AP2S1: variants seen among roughly 807,000 people sequenced by gnomAD.
AP2S1 encodes adaptor related protein complex 2 subunit sigma 1.
A neutral mutation model predicts 21.0 loss-of-function variants in AP2S1; 6 were observed. That is an observed-to-expected ratio of 0.29 (90% CI 0.16 to 0.56). The LOEUF (loss-of-function observed/expected upper bound fraction) is 0.56. Ranked by LOEUF, AP2S1 falls within the 20% of genes least tolerant of loss-of-function variation. The probability of loss-of-function intolerance (pLI) is 0.92; values close to 1 mark genes in which losing one functional copy is unlikely to be tolerated. For synonymous variants in AP2S1, 63 were observed against 74.6 expected (o/e 0.84, Z 0.80); for missense variants, 60 against 186.2 (o/e 0.32, Z 3.95).
chr19:46,841,997 A>G (rs1278449125), intron 2 of AP2S1, among the ~76,000 whole-genome samples: 1 of 152,122 alleles, frequency 6.6e-6, no homozygotes, highest in Non-Finnish European at 1.5e-5. Flanking sequence ...TTTAGGCAAC[A>G]TATCAAGACC....
At position 46,838,333 on chromosome 19, in the gene AP2S1, C is replaced by T; in HGVS notation, c.*114G>A. 1.0e-6 allele frequency: 1 copy of T among 1,001,776 alleles called. No individual in the cohort carries two copies. Among genetic ancestry groups the T allele is most frequent in the Non-Finnish European group, 1.5e-6 (1 of 657,954 alleles). 62.1% of individuals were successfully genotyped at this position (1,001,776 alleles called of 1,614,324 possible). A position where few individuals can be genotyped will look rare whatever the true frequency, so the allele number is the denominator to read the frequency against. On this transcript the variant is annotated 3_prime_UTR_variant, in exon 5 of 5. Transcript: ENST00000263270. The surrounding 1 kb of genome is among the most constrained non-coding windows in gnomAD (Gnocchi z 4.1). ...CCTTGTGGCCCAGACCCAGCTGGGT[C>T]CCTTCCTCCTAGGCAGCTGAGGGAA...
chr19:46,839,961 T>C (rs2122761460), intron 2 of AP2S1, among the ~76,000 whole-genome samples: 1 of 152,304 alleles, frequency 6.6e-6, no homozygotes, highest in Admixed American at 6.5e-5. Context: ...ATAGTGTCCA[T>C]GCAACCTTGC....
chr19:46,850,363 T>C (rs1380701627), intron 1 of AP2S1: 2 of 1,243,192 alleles, frequency 1.6e-6, no homozygotes, highest in African/African-American at 1.6e-5. Context: ...GGTCTCGCGT[T>C]CTCGTCCCAG....
chr19:46,848,401 T>A (rs2055674080), intron 1 of AP2S1, among the ~76,000 whole-genome samples: 1 of 151,882 alleles, frequency 6.6e-6, no homozygotes, highest in African/African-American at 2.4e-5. Context: ...AACAAAAACA[T>A]AGAGGTATAG....
At chr19:46,846,207 A>T in intron 1 of AP2S1, 65 bp from the exon 2 acceptor site, 1 of 1,588,488 alleles carries the variant, frequency 6.3e-7, no homozygotes, top group Non-Finnish European at 8.6e-7. Context: ...GGTGCTGCCC[A>T]ACGGCCCCAC....
At position 46,846,153 on chromosome 19, in the gene AP2S1, CAGG is replaced by C. The variant is rs373163721; in HGVS notation, c.4-14_4-12del. ...GAGGATAAAGCGGATCTGGGGGCAGCAGGAGGAGAAGGAGGAAGTGAGAGAGGC... is the reference window on the plus strand; with the variant it reads ...GAGGATAAAGCGGATCTGGGGGCAGCAGGAGAAGGAGGAAGTGAGAGAGGC... On this transcript the variant is annotated splice_polypyrimidine_tract_variant and intron_variant, in intron 1 of 4. Transcript: ENST00000263270. The C allele has an allele frequency of 3.2e-4, 521 of 1,613,738 alleles. 2 individuals carry two copies. In the African/African-American group the frequency reaches 5.6e-3, roughly 17 times the overall value.
intron 2 of AP2S1, among the ~76,000 whole-genome samples, chr19:46,840,654 C>G (rs1447090187): frequency 6.6e-6 from 1 of 151,304 alleles, no homozygotes; most frequent in African/African-American, 2.4e-5. Flanking sequence ...AACAGCAGCT[C>G]TAGGTCTGGG....
intron 1 of AP2S1, among the ~76,000 whole-genome samples, chr19:46,846,809 G>T (rs1170351032): frequency 6.6e-6 from 1 of 152,050 alleles, no homozygotes; most frequent in South Asian, 2.1e-4. Flanking sequence ...GGGACTACAG[G>T]CACCCGCCAC....
chr19:46,843,163 C>T (rs2055558790), intron 2 of AP2S1, among the ~76,000 whole-genome samples: 1 of 152,174 alleles, frequency 6.6e-6, no homozygotes, highest in African/African-American at 2.4e-5. Context: ...CCTGGCTCTG[C>T]TTTCTCTCAC....
chr19:46,838,201 C>T lies in AP2S1; in HGVS notation c.*246G>A, dbSNP rs918440699. ...GACCACAGGTTTATTGGGGACTCCA[C>T]GCACAGACGCTTATGGCATCACACG... On this transcript the variant is annotated 3_prime_UTR_variant, in exon 5 of 5. Transcript: ENST00000263270. This position sits in a 1 kb window ranked among gnomAD's most constrained non-coding sequence, Gnocchi z 4.1. The T allele has an allele frequency of 7.3e-6, 4 of 550,364 alleles. No homozygotes were observed. The highest frequency in any genetic ancestry group is 3.1e-5 in the Admixed American group (1 of 32,216). 34.1% of individuals were successfully genotyped at this position (550,364 alleles called of 1,614,324 possible). A position where few individuals can be genotyped will look rare whatever the true frequency, so the allele number is the denominator to read the frequency against.
rs201686470 is a variant in AP2S1, at chr19:46,845,987, C to T, written c.153+6G>A. 1.9e-4 allele frequency: 311 copies of T among 1,613,940 alleles called. No individual in the cohort carries two copies. The African/African-American group carries it at 3.4e-3, about 18-fold the overall frequency. ...CGGGGTGCAGGAGGCATGGAGCGGG[C>T]GTCACCTCCACAAAGTTGGTGTGTT... is the stretch of plus-strand genomic sequence containing the variant. On this transcript the variant is annotated splice_donor_region_variant and intron_variant, in intron 2 of 4. Coordinates refer to ENST00000263270, the MANE Select transcript of AP2S1 (RefSeq NM_004069.6).
intron 1 of AP2S1, chr19:46,850,452 A>G (rs937355528): frequency 2.6e-6 from 2 of 760,830 alleles, no homozygotes; most frequent in African/African-American, 1.8e-5. Flanking sequence ...GCTACCCACA[A>G]GACTGTGTCT....
At position 46,838,955 on chromosome 19, in the gene AP2S1, GAC is replaced by G. The variant is rs530176343; in HGVS notation, c.268-158_268-157del. The G allele has an allele frequency of 4.5e-3, 2,866 of 634,312 alleles. 26 individuals carry two copies. The highest frequency in any genetic ancestry group is 0.02 in the South Asian group (1,018 of 50,386). 39.3% of individuals were successfully genotyped at this position (634,312 alleles called of 1,614,324 possible). ...ACAGTGACAGGGAGAGAGGCAAGGAGACACACAGAGAGAAACAAAAGCAAAGA... is the reference window on the plus strand; with the variant it reads ...ACAGTGACAGGGAGAGAGGCAAGGAGACACAGAGAGAAACAAAAGCAAAGA... On this transcript the variant is annotated intron_variant, in intron 3 of 4. Coordinates refer to ENST00000263270, the MANE Select transcript of AP2S1 (RefSeq NM_004069.6). The surrounding 1 kb of genome is among the most constrained non-coding windows in gnomAD (Gnocchi z 4.1).
In AP2S1 at chr19:46,838,659, G is replaced by A; in HGVS notation, c.327+81C>T. On this transcript the variant is annotated intron_variant, in intron 4 of 4. Transcript: ENST00000263270. The surrounding 1 kb of genome is among the most constrained non-coding windows in gnomAD (Gnocchi z 4.1). The stretch of plus-strand genomic sequence containing the variant: ...AGCTGGGACACAGACCTCAGCAGAG[G>A]CTCCGGGTGGCTAGTGCACCACGGG... 2 of 1,568,436 alleles carry A rather than the reference G, an allele frequency of 1.3e-6. No individual in the cohort carries two copies. Among genetic ancestry groups the A allele is most frequent in the South Asian group, 2.2e-5 (2 of 89,716 alleles).
At chr19:46,847,850 G>C (rs2055664650) in intron 1 of AP2S1, among the ~76,000 whole-genome samples, 1 of 152,118 alleles carries the variant, frequency 6.6e-6, no homozygotes, top group Non-Finnish European at 1.5e-5. Context: ...GGTTGTTTCT[G>C]CTTTAGGGCT....
At chr19:46,850,719 TG>T in intron 1 of AP2S1, 44 bp downstream of exon 1, 2 of 1,491,630 alleles carry the variant, frequency 1.3e-6, no homozygotes, top group Non-Finnish European at 1.9e-6. Context: ...TATTTACGCG[TG>T]GGCCCCCCCT....
chr19:46,847,235 CTTTT>C (rs755228711), intron 1 of AP2S1, among the ~76,000 whole-genome samples: 4 of 141,850 alleles, frequency 2.8e-5, no homozygotes, highest in African/African-American at 7.7e-5. Flanking sequence ...AAAATCACCA[CTTTT>C]TTTTTTTTTT....
intron 2 of AP2S1, among the ~76,000 whole-genome samples, chr19:46,841,726 C>A (rs774276313): frequency 1.3e-5 from 2 of 152,266 alleles, no homozygotes; most frequent in Non-Finnish European, 2.9e-5. Flanking sequence ...TAATCCCACA[C>A]CCTGTGAATA....
intron 1 of AP2S1, among the ~76,000 whole-genome samples, chr19:46,847,296 C>A (rs567773684): frequency 1.3e-5 from 2 of 151,026 alleles, no homozygotes; most frequent in Non-Finnish European, 2.9e-5. Flanking sequence ...TGCAGTGGCG[C>A]GATCCCGCCT....
Sources: gnomAD v4.1 joint callset for allele counts (sites outside exome capture counted in the v4.1 genomes callset) on GRCh38, gnomAD v4.1.1 for gene constraint, Gnocchi (gnomAD v3.1) non-coding constraint, MANE v1.5 for transcripts, NCBI Gene and HGNC (gene_info 2026-07-23, HGNC 2026-07-21) for gene names.